Variants in LMBR1 observed in about 807,000 individuals in gnomAD.
The protein encoded by LMBR1 is limb development membrane protein 1, also known as limb region 1 protein homolog.
Under a neutral mutation model 73.9 loss-of-function variants are expected in LMBR1, and 52 were observed. The observed-to-expected ratio is 0.70, with a 90% confidence interval of 0.56 to 0.89. The LOEUF (loss-of-function observed/expected upper bound fraction) is 0.89. Among genes scored for constraint, LMBR1 ranks in the 40% least tolerant of loss-of-function variants. The pLI is 0.00. For synonymous variants in LMBR1, 215 were observed against 209.4 expected (o/e 1.03, Z -0.23); for missense variants, 539 against 579.8 (o/e 0.93, Z 0.72).
chr7:156,860,138 G>A (rs1158804135), intron 1 of LMBR1, among the ~76,000 whole-genome samples: 1 of 152,132 alleles, frequency 6.6e-6, no homozygotes, highest in African/African-American at 2.4e-5. Flanking sequence ...AAAATAGATT[G>A]TATTAGTCTG....
At chr7:156,773,314 T>G (rs1453078658) in intron 5 of LMBR1, among the ~76,000 whole-genome samples, 3 of 151,924 alleles carry the variant, frequency 2.0e-5, no homozygotes, top group Non-Finnish European at 2.9e-5. Context: ...AAACTACCAA[T>G]GACATTCTTC....
At chr7:156,755,481 A>C (rs1388391851) in intron 9 of LMBR1, among the ~76,000 whole-genome samples, 1 of 152,230 alleles carries the variant, frequency 6.6e-6, no homozygotes, top group Non-Finnish European at 1.5e-5. Context: ...ACAATCCTAC[A>C]CTGCAGGGAG....
At chr7:156,875,283 GAA>G (rs1309349981) in intron 1 of LMBR1, among the ~76,000 whole-genome samples, 1 of 151,986 alleles carries the variant, frequency 6.6e-6, no homozygotes, top group East Asian at 1.9e-4. Flanking sequence ...AAAAAAGTAA[GAA>G]AAAATGAACA....
intron 1 of LMBR1, among the ~76,000 whole-genome samples, chr7:156,848,002 G>A (rs1163972181): frequency 1.3e-5 from 2 of 151,740 alleles, no homozygotes; most frequent in Non-Finnish European, 1.5e-5. Context: ...GCCAAAACTT[G>A]GAAGGAATCA....
chr7:156,833,574 A>C, intron 3 of LMBR1, 179 bp downstream of exon 3: 2 of 302,136 alleles, frequency 6.6e-6, no homozygotes, highest in Non-Finnish European at 1.1e-5. Context: ...AAATTCCAAT[A>C]GGAGATTGGA....
intron 1 of LMBR1, among the ~76,000 whole-genome samples, chr7:156,842,188 A>T (rs1435747765): frequency 6.6e-6 from 1 of 150,750 alleles, no homozygotes; most frequent in Non-Finnish European, 1.5e-5. Flanking sequence ...GCTGCAGGGT[A>T]ATAAGGAATC....
At chr7:156,771,039 T>C (rs1825080918) in intron 5 of LMBR1, among the ~76,000 whole-genome samples, 1 of 152,042 alleles carries the variant, frequency 6.6e-6, no homozygotes, top group Non-Finnish European at 1.5e-5. Context: ...AATGTCTGGC[T>C]AGAAAAATCA....
intron 8 of LMBR1, 142 bp from the exon 9 acceptor site, chr7:156,756,607 A>G (rs1821929578): frequency 1.8e-6 from 1 of 570,364 alleles, no homozygotes; most frequent in East Asian, 3.1e-5. Context: ...AACTCCAACT[A>G]TGTTATTTAT....
At position 156,688,200 on chromosome 7, in the gene LMBR1, A is replaced by T. The variant is rs1318089338; in HGVS notation, c.1226-9T>A. On this transcript the variant is annotated splice_polypyrimidine_tract_variant and intron_variant, in intron 15 of 16. Transcript: ENST00000353442. ...ATCAAATCTAGTGATTCCTGTTAAAAATAAATAAAATAGCCCTTAATGAAA... is the reference window on the plus strand; with the variant it reads ...ATCAAATCTAGTGATTCCTGTTAAATATAAATAAAATAGCCCTTAATGAAA... 6.3e-7 allele frequency: 1 copy of T among 1,575,024 alleles called. No homozygotes were observed. Among genetic ancestry groups the T allele is most frequent in the Non-Finnish European group, 8.6e-7 (1 of 1,160,292 alleles).
At chr7:156,714,533 G>A (rs913819172) in intron 15 of LMBR1, among the ~76,000 whole-genome samples, 1 of 152,220 alleles carries the variant, frequency 6.6e-6, no homozygotes, top group Non-Finnish European at 1.5e-5. Flanking sequence ...AGACACAGAC[G>A]GGGTCAGGTA....
Position 156,764,204 on chromosome 7 carries a change from G to A in LMBR1, c.424-409C>T, listed in dbSNP as rs987326621. ...CCACAATGCTCCGAGCTGCTGGAGA[G>A]CGCCGGCTCTCTCTAGCATGGACTC... is the stretch of plus-strand genomic sequence containing the variant. On this transcript the variant is annotated intron_variant, in intron 5 of 16. Transcript: ENST00000353442. Among the ~76,000 whole-genome samples the A allele has an allele frequency of 1.5e-4, 23 of 152,180 alleles. No individual in the cohort carries two copies. The highest frequency in any genetic ancestry group is 5.3e-4 in the African/African-American group (22 of 41,446).
At chr7:156,808,759 T>C (rs1280983332) in intron 4 of LMBR1, among the ~76,000 whole-genome samples, 3 of 152,202 alleles carry the variant, frequency 2.0e-5, no homozygotes, top group African/African-American at 7.2e-5. Flanking sequence ...TCTTCAGGTT[T>C]ATCATATACG....
At chr7:156,749,858 T>C (rs1374981225) in intron 9 of LMBR1, among the ~76,000 whole-genome samples, 1 of 151,982 alleles carries the variant, frequency 6.6e-6, no homozygotes, top group African/African-American at 2.4e-5. Context: ...CCCCCTAATT[T>C]TTGTATTTTT....
chr7:156,713,421 A>G (rs2132221702), intron 15 of LMBR1, among the ~76,000 whole-genome samples: 1 of 152,330 alleles, frequency 6.6e-6, no homozygotes, highest in Non-Finnish European at 1.5e-5. Flanking sequence ...GTGCAGGTTC[A>G]TCAACTGTAA....
intron 1 of LMBR1, among the ~76,000 whole-genome samples, chr7:156,871,741 C>A (rs909622501): frequency 6.6e-6 from 1 of 152,168 alleles, no homozygotes; most frequent in African/African-American, 2.4e-5. Flanking sequence ...AAATTCAGCA[C>A]CCTTTCATGG....
At position 156,763,786 on chromosome 7, in the gene LMBR1, C is replaced by T. The variant is rs200558566; in HGVS notation, c.433G>A (p.Ala145Thr). The change falls in exon 6 of 17, where the codon GCC (alanine) becomes ACC (threonine). Residue 145 changes from alanine (A) to threonine (T), a missense_variant. Transcript: ENST00000353442. The stretch of plus-strand genomic sequence containing the variant: ...ATGACCAAAGTCTCTAAAATGCGGG[C>T]TCGGATTCCCTGAAAAATAGAGTAG... ...GFAGLKKGIRARILETLVMLL... is the reference protein window; with the variant it reads ...GFAGLKKGIRTRILETLVMLL... 3 of 1,584,780 alleles carry T rather than the reference C, an allele frequency of 1.9e-6. No homozygotes were observed. In the African/African-American group the frequency reaches 4.1e-5, roughly 22 times the overall value.
At chr7:156,752,224 A>C (rs1345417666) in intron 9 of LMBR1, among the ~76,000 whole-genome samples, 1 of 152,222 alleles carries the variant, frequency 6.6e-6, no homozygotes, top group Non-Finnish European at 1.5e-5. Flanking sequence ...CAGTGGAAGC[A>C]AGAGTGAGTT....
chr7:156,709,668 G>GT (rs1314995028), intron 15 of LMBR1, among the ~76,000 whole-genome samples: 1 of 152,088 alleles, frequency 6.6e-6, no homozygotes, highest in African/African-American at 2.4e-5. Context: ...GGAGAACACT[G>GT]TATCAAGGGA....
chr7:156,774,610 T>A (rs1324542546), intron 5 of LMBR1, among the ~76,000 whole-genome samples: 6 of 152,236 alleles, frequency 3.9e-5, no homozygotes, highest in Middle Eastern at 3.4e-3. Flanking sequence ...GGTGGGCAGA[T>A]CATCTGAGGT....
Sources: allele counts gnomAD v4.1 joint callset (sites outside exome capture counted in the v4.1 genomes callset), GRCh38; gene constraint gnomAD v4.1.1; transcripts MANE v1.5; gene names NCBI Gene and HGNC (gene_info 2026-07-23, HGNC 2026-07-21).